The following THSD7A variants were observed in gnomAD, a reference collection of about 807,000 sequenced individuals.
THSD7A encodes thrombospondin type-1 domain-containing protein 7A.
THSD7A carries 96 observed loss-of-function variants against 231.3 expected under a neutral mutation model. The ratio of observed to expected loss-of-function variants is 0.41; its 90% CI spans 0.35 to 0.49. The LOEUF (loss-of-function observed/expected upper bound fraction) is 0.49, where lower values mean the gene tolerates loss of function less well. Ranked by LOEUF, THSD7A falls within the 20% of genes least tolerant of loss-of-function variation. The probability of loss-of-function intolerance (pLI) is 0.05; values close to 1 mark genes in which losing one functional copy is unlikely to be tolerated. For synonymous variants in THSD7A, 940 were observed against 743.3 expected (o/e 1.26, Z -4.30); for missense variants, 2,290 against 2,070.2 (o/e 1.11, Z -2.06).
At chr7:11,573,491 G>A (rs1790740636) in intron 4 of THSD7A, among the ~76,000 whole-genome samples, 1 of 152,196 alleles carries the variant, frequency 6.6e-6, no homozygotes, top group Non-Finnish European at 1.5e-5. Flanking sequence ...GTAGCAGATG[G>A]AGGCAATTTT....
At chr7:11,613,396 T>C (rs1197516635) in intron 2 of THSD7A, among the ~76,000 whole-genome samples, 2 of 152,070 alleles carry the variant, frequency 1.3e-5, no homozygotes, top group African/African-American at 2.4e-5. Context: ...TCATTTAGGG[T>C]TTAATACCAG....
intron 4 of THSD7A, among the ~76,000 whole-genome samples, chr7:11,552,856 C>G (rs140810759): frequency 2.6e-3 from 395 of 152,192 alleles, no homozygotes; most frequent in African/African-American, 9.1e-3. Context: ...AAACATCATA[C>G]CTAATCAAAC....
At chr7:11,780,652 G>A (rs1358602731) in intron 1 of THSD7A, among the ~76,000 whole-genome samples, 1 of 152,148 alleles carries the variant, frequency 6.6e-6, no homozygotes, top group Non-Finnish European at 1.5e-5. Flanking sequence ...CTGTGAGCCA[G>A]AATCACCCAG....
chr7:11,671,611 T>A (rs1562462404), intron 1 of THSD7A, among the ~76,000 whole-genome samples: 1 of 152,182 alleles, frequency 6.6e-6, no homozygotes. Flanking sequence ...GTTGTTTTTG[T>A]TTTCTAATTT....
rs746662844 is a variant in THSD7A at position 11,412,770 on chromosome 7, A to C, written c.3568T>G (p.Ser1190Ala). The change falls in exon 18 of 28, where the codon TCA (serine) becomes GCA (alanine). Residue 1190 changes from serine (S) to alanine (A), a missense_variant. By Grantham distance (99) the Ser-to-Ala change is moderately conservative. Transcript: ENST00000423059. ...PCNQSSFRQR[S>A]ADPIRQPADE... Reference sequence around the variant, plus strand: ...GCTGGTTGTCTGATGGGATCAGCTGACCTTTGCCGGAAACTGCTTTGATTG... The same window carrying C: ...GCTGGTTGTCTGATGGGATCAGCTGCCCTTTGCCGGAAACTGCTTTGATTG... The C allele has an allele frequency of 6.2e-7, 1 of 1,613,148 alleles. No homozygotes were observed. Among genetic ancestry groups the C allele is most frequent in the South Asian group, 1.1e-5 (1 of 90,936 alleles).
intron 1 of THSD7A, among the ~76,000 whole-genome samples, chr7:11,752,742 A>G (rs4721010): frequency 3.3e-5 from 5 of 151,696 alleles, no homozygotes; most frequent in Non-Finnish European, 7.4e-5. Flanking sequence ...ATAATGATAC[A>G]TCAGCTCTCC....
chr7:11,761,840 G>A (rs1443934051), intron 1 of THSD7A, among the ~76,000 whole-genome samples: 1 of 151,924 alleles, frequency 6.6e-6, no homozygotes, highest in African/African-American at 2.4e-5. Context: ...GGCTCCTAGA[G>A]AACCTATCAC....
At chr7:11,725,072 C>T (rs921072469) in intron 1 of THSD7A, among the ~76,000 whole-genome samples, 2 of 151,806 alleles carry the variant, frequency 1.3e-5, no homozygotes, top group African/African-American at 4.8e-5. Context: ...AGTTAAAATC[C>T]TACTCAAACA....
At chr7:11,803,013 G>A (rs998484654) in intron 1 of THSD7A, among the ~76,000 whole-genome samples, 2 of 152,102 alleles carry the variant, frequency 1.3e-5, no homozygotes, top group African/African-American at 4.8e-5. Flanking sequence ...TAACATCTGT[G>A]ATAAATCTAG....
chr7:11,518,926 T>C (rs1788148628), intron 6 of THSD7A, among the ~76,000 whole-genome samples: 1 of 152,214 alleles, frequency 6.6e-6, no homozygotes, highest in African/African-American at 2.4e-5. Context: ...CACTATTTAT[T>C]AATATAGACT....
At chr7:11,625,037 A>G (rs1781434618) in intron 2 of THSD7A, among the ~76,000 whole-genome samples, 1 of 152,066 alleles carries the variant, frequency 6.6e-6, no homozygotes, top group Non-Finnish European at 1.5e-5. Context: ...ATGTATTCCA[A>G]TTTTATACCA....
intron 1 of THSD7A, among the ~76,000 whole-genome samples, chr7:11,772,810 G>A (rs888878733): frequency 4.6e-5 from 7 of 152,102 alleles, no homozygotes; most frequent in African/African-American, 4.8e-5. Context: ...CAATTCCGGT[G>A]ACATGCAACT....
intron 1 of THSD7A, among the ~76,000 whole-genome samples, chr7:11,714,031 A>T (rs62433391): frequency 0.029 from 4,424 of 151,356 alleles, 95 homozygotes; most frequent in Middle Eastern, 0.054. Context: ...TGAAAATTTA[A>T]GTTAAATATG....
At chr7:11,822,129 C>T (rs1784893517) in intron 1 of THSD7A, among the ~76,000 whole-genome samples, 1 of 152,062 alleles carries the variant, frequency 6.6e-6, no homozygotes, top group African/African-American at 2.4e-5. Context: ...GTTAGGACTT[C>T]TAGGATATCC....
intron 2 of THSD7A, among the ~76,000 whole-genome samples, chr7:11,625,736 A>T (rs958392846): frequency 6.6e-6 from 1 of 152,116 alleles, no homozygotes; most frequent in African/African-American, 2.4e-5. Context: ...TGATTTATTA[A>T]ATTCCCTCTT....
rs368253161 is a variant in THSD7A, at chr7:11,800,968, G to A, written c.190+30789C>T. 3.3e-5 allele frequency among the ~76,000 whole-genome samples: 5 copies of A among 152,060 alleles called. No homozygotes were observed. The East Asian group carries it at 5.8e-4, about 18-fold the overall frequency. ...ATATATTTTGCATCTTGGTCAAAGT[G>A]ATGGTATCAAGGGTAAACATATATG... On this transcript the variant is annotated intron_variant, in intron 1 of 27. Transcript: ENST00000423059.
chr7:11,829,209 G>C (rs1369039224), intron 1 of THSD7A, among the ~76,000 whole-genome samples: 1 of 152,062 alleles, frequency 6.6e-6, no homozygotes, highest in Non-Finnish European at 1.5e-5. Context: ...TTTCCACTGT[G>C]CATGTAGGTC....
At chr7:11,702,391 T>G (rs2093622598) in intron 1 of THSD7A, among the ~76,000 whole-genome samples, 1 of 151,212 alleles carries the variant, frequency 6.6e-6, no homozygotes, top group South Asian at 2.1e-4. Context: ...TCTTGCTGTT[T>G]GTCAGTAGGG....
intron 4 of THSD7A, among the ~76,000 whole-genome samples, chr7:11,573,929 T>C (rs1241203458): frequency 6.6e-6 from 1 of 152,216 alleles, no homozygotes; most frequent in Non-Finnish European, 1.5e-5. Flanking sequence ...AACACATCTA[T>C]TCAATCAATT....
Sources: gnomAD v4.1 joint callset for allele counts (sites outside exome capture counted in the v4.1 genomes callset) on GRCh38, gnomAD v4.1.1 for gene constraint, MANE v1.5 for transcripts, NCBI Gene and HGNC (gene_info 2026-07-23, HGNC 2026-07-21) for gene names.